DRP2: variants seen among roughly 807,000 people sequenced by gnomAD.
The protein encoded by DRP2 is dystrophin related protein 2.
A neutral mutation model predicts 78.2 loss-of-function variants in DRP2; 29 were observed. The observed-to-expected ratio is 0.37, with a 90% CI of 0.28 to 0.51. The LOEUF (loss-of-function observed/expected upper bound fraction) is 0.51. DRP2 is among the 20% of genes least tolerant of loss of function. The pLI, the probability that DRP2 is intolerant of heterozygous loss-of-function variation, is 0.94. For synonymous variants in DRP2, 290 were observed against 281.9 expected (o/e 1.03, Z -0.29); for missense variants, 686 against 770.6 (o/e 0.89, Z 1.30).
intron 11 of DRP2, among the ~76,000 whole-genome samples, chrX:101,246,005 A>G (rs746231739): frequency 7.1e-5 from 8 of 112,611 alleles, no homozygotes; most frequent in African/African-American, 2.6e-4. Context: ...TGATGGATTC[A>G]TAGATGCATA....
In DRP2 at chrX:101,261,529, A is replaced by G. The variant is rs1420297446; in HGVS notation, c.*908A>G. On this transcript the variant is annotated 3_prime_UTR_variant, in exon 24 of 24. Coordinates refer to ENST00000395209, the MANE Select transcript of DRP2 (RefSeq NM_001939.3). ...TGCTTTCCTTGGGTAAGGAAGAGGA[A>G]GCCCACCTCAAGTCTGGAGTAGTAT... 5.4e-5 allele frequency: 6 copies of G among 111,161 alleles called. No individual in the cohort carries two copies. Among genetic ancestry groups the G allele is most frequent in the Non-Finnish European group, 9.4e-5 (5 of 53,001 alleles). The allele number at this position is 111,161 out of a possible 1,213,427, so 9.2% of individuals were successfully genotyped here.
At chrX:101,248,479 C>A in intron 13 of DRP2, 35 bp from the exon 14 acceptor site, 1 of 1,186,119 alleles carries the variant, frequency 8.4e-7, no homozygotes, top group Non-Finnish European at 1.1e-6. Context: ...CCTTTACATA[C>A]ATTCATATTC....
intron 20 of DRP2, 103 bp downstream of exon 20, chrX:101,255,352 G>T: frequency 1.2e-6 from 1 of 861,197 alleles, no homozygotes; most frequent in Non-Finnish European, 1.7e-6. Flanking sequence ...GGTGTGTGGT[G>T]GTTAGGATCC....
rs764308174 is a variant in DRP2 at position 101,232,413 on chromosome X, A to G, written c.117+649A>G. ...GACTGGAGAAGGGAGACGCATAAGC[A>G]TACTTTGGTTGCCCTACAATGCTTT... On this transcript the variant is annotated intron_variant, in intron 3 of 23. Transcript: ENST00000395209. Among the ~76,000 whole-genome samples, 6 of 111,377 alleles carry G rather than the reference A, an allele frequency of 5.4e-5. No homozygotes were observed. The East Asian group carries it at 1.7e-3, about 32-fold the overall frequency.
intron 15 of DRP2, among the ~76,000 whole-genome samples, 161 bp from the exon 16 acceptor site, chrX:101,250,756 G>C (rs750508690): frequency 8.9e-6 from 1 of 112,009 alleles, no homozygotes; most frequent in East Asian, 2.8e-4. Flanking sequence ...AGTCCTGTTA[G>C]GGAGGGTGTC....
intron 16 of DRP2, 126 bp from the exon 17 acceptor site, chrX:101,252,479 T>C (rs1473122936): frequency 2.0e-6 from 1 of 504,336 alleles, no homozygotes; most frequent in African/African-American, 2.3e-5. Flanking sequence ...AGGTTGGGCA[T>C]GTTATGGCTC....
Position 101,260,412 on chromosome X carries a change from C to T in DRP2, c.2750-85C>T, listed in dbSNP as rs1340382460. The T allele has an allele frequency of 1.2e-5, 13 of 1,125,884 alleles. No individual in the cohort carries two copies. In the Admixed American group the frequency reaches 1.3e-4, roughly 11 times the overall value. The allele number at this position is 1,125,884 out of a possible 1,213,427, so 92.8% of individuals were successfully genotyped here. On this transcript the variant is annotated intron_variant, in intron 23 of 23. Transcript: ENST00000395209. ...TGCAAATGCTGCGGGCAGGTCTGCC[C>T]TTCAGCTGGCAGAATTCTATCTGAC... is the stretch of plus-strand genomic sequence containing the variant.
chrX:101,248,157 G>A lies in DRP2; in HGVS notation c.1321G>A (p.Val441Met), dbSNP rs144870744. The change falls in exon 13 of 24, where the codon GTG becomes ATG. Residue 441 changes from valine to methionine, a missense_variant. Physicochemically the swap from Val to Met is conservative, Grantham distance 21. Coordinates refer to ENST00000395209, the MANE Select transcript of DRP2 (RefSeq NM_001939.3). ...GCATGATCTGCAGGCCAGTGAGCAC[G>A]TGATGGATGTGGTAGAGGTCATTCA... ...NEHDLQASEH[V>M]MDVVEVIHCL... The A allele has an allele frequency of 1.1e-4, 135 of 1,209,933 alleles. 1 individual carries two copies. In the East Asian group the frequency reaches 3.3e-3, roughly 29 times the overall value.
chrX:101,235,866 G>A lies in DRP2; in HGVS notation c.124G>A (p.Ala42Thr). 8 of 1,207,278 alleles carry A rather than the reference G, an allele frequency of 6.6e-6. No individual in the cohort carries two copies. Among genetic ancestry groups the A allele is most frequent in the Non-Finnish European group, 7.8e-6 (7 of 893,023 alleles). ...RSTCPHPQVR[A>T]AVTSPAPPQD... is the part of the protein sequence containing the mutation. ...TGTTTGTGTTTCTGTCCAGGTTAGA[G>A]CTGCTGTCACCAGCCCTGCACCTCC... Residue 42 changes from alanine to threonine, a missense_variant, in exon 4 of 24, where the codon GCT becomes ACT. Ala to Thr is a moderately conservative substitution (Grantham distance 58). Coordinates refer to ENST00000395209, the MANE Select transcript of DRP2 (RefSeq NM_001939.3).
intron 17 of DRP2, among the ~76,000 whole-genome samples, chrX:101,253,540 C>CTTTTTTTTT (rs138161868): frequency 2.4e-4 from 13 of 53,561 alleles, no homozygotes; most frequent in Non-Finnish European, 3.6e-4. Flanking sequence ...TTACTTTCAC[C>CTTTTTTTTT]TTTTTTTTTT....
chrX:101,257,159 A>AGT (rs1463545365), intron 21 of DRP2, among the ~76,000 whole-genome samples: 1 of 110,164 alleles, frequency 9.1e-6, no homozygotes, highest in Admixed American at 9.8e-5. Flanking sequence ...TGGGGCATGA[A>AGT]GTAGAATTCG....
At position 101,264,062 on chromosome X, in the gene DRP2, C is replaced by T. The variant is rs1923656738; in HGVS notation, c.*3441C>T. On this transcript the variant is annotated 3_prime_UTR_variant, in exon 24 of 24. Coordinates refer to ENST00000395209, the MANE Select transcript of DRP2 (RefSeq NM_001939.3). Reference sequence around the variant, plus strand: ...CTGGGAAAAAAACTGGGGGCCTTGTCCTGAGGCTGTGGAGACTTAATTCTT... The same window carrying T: ...CTGGGAAAAAAACTGGGGGCCTTGTTCTGAGGCTGTGGAGACTTAATTCTT... The T allele has an allele frequency of 8.9e-6, 1 of 112,183 alleles. No homozygotes were observed. 9.2% of individuals were successfully genotyped at this position (112,183 alleles called of 1,213,427 possible). A position where few individuals can be genotyped will look rare whatever the true frequency, so the allele number is the denominator to read the frequency against.
intron 5 of DRP2, among the ~76,000 whole-genome samples, chrX:101,238,346 TACAG>T (rs1282281596): frequency 9.0e-6 from 1 of 111,596 alleles, no homozygotes; most frequent in Non-Finnish European, 1.9e-5. Context: ...GGGTGAATCT[TACAG>T]ACAGACAATA....
At chrX:101,227,413 A>C (rs764771253) in intron 2 of DRP2, among the ~76,000 whole-genome samples, 3 of 111,721 alleles carry the variant, frequency 2.7e-5, no homozygotes, top group South Asian at 3.8e-4. Flanking sequence ...TTGAGATAGG[A>C]TGGAGCTAGA....
chrX:101,251,098 A>C lies in DRP2; in HGVS notation c.1865+15A>C, dbSNP rs376931921. 24 of 1,173,954 alleles carry C rather than the reference A, an allele frequency of 2.0e-5. No homozygotes were observed. In the African/African-American group the frequency reaches 3.7e-4, roughly 18 times the overall value. ...AAGGGGTTCAGGTAGGGAAAACAAT[A>C]CCTGCTGGGATGATAATAATAAATA... On this transcript the variant is annotated intron_variant, in intron 16 of 23. Coordinates refer to ENST00000395209, the MANE Select transcript of DRP2 (RefSeq NM_001939.3).
At chrX:101,253,170 A>T (rs1923197583) in intron 17 of DRP2, among the ~76,000 whole-genome samples, 1 of 111,325 alleles carries the variant, frequency 9.0e-6, no homozygotes, top group African/African-American at 3.3e-5. Flanking sequence ...TCTAGTCAGT[A>T]CCAAAGCTTA....
At chrX:101,259,561 C>T (rs752426253) in intron 22 of DRP2, among the ~76,000 whole-genome samples, 3 of 111,757 alleles carry the variant, frequency 2.7e-5, no homozygotes, top group East Asian at 5.6e-4. Flanking sequence ...TGTAATGGCT[C>T]GATCTCAGCT....
chrX:101,260,449 A>G, intron 23 of DRP2, 48 bp from the exon 24 acceptor site: 1 of 1,186,463 alleles, frequency 8.4e-7, no homozygotes, highest in Non-Finnish European at 1.1e-6. Flanking sequence ...CCTTGGCCTC[A>G]TAAAGGAGTC....
At position 101,250,568 on chromosome X, in the gene DRP2, T is replaced by C. The variant is rs1239689765; in HGVS notation, c.1686T>C (p.Ser562=). The change falls in exon 15 of 24, where the codon AGT becomes AGC. Residue 562 remains serine (S), a synonymous_variant. Transcript: ENST00000395209. ...GCAATGTGGAGCCCAGTGTCCGTAGTTGCTTCCGTTTTGTGAGTATGGAAC... is the reference window on the plus strand; with the variant it reads ...GCAATGTGGAGCCCAGTGTCCGTAGCTGCTTCCGTTTTGTGAGTATGGAAC... ...GGSNVEPSVR[S]CFRFSTGKPV... 8.4e-7 allele frequency: 1 copy of C among 1,193,412 alleles called. No homozygotes were observed. The highest frequency in any genetic ancestry group is 1.1e-6 in the Non-Finnish European group (1 of 885,889).
Sources: gnomAD v4.1 joint callset for allele counts (sites outside exome capture counted in the v4.1 genomes callset) on GRCh38, gnomAD v4.1.1 for gene constraint, MANE v1.5 for transcripts, NCBI Gene and HGNC (gene_info 2026-07-23, HGNC 2026-07-21) for gene names.